Variants in PI4KA observed in about 807,000 individuals in gnomAD.
PI4KA encodes phosphatidylinositol 4-kinase alpha, also known as PI4-kinase alpha.
In PI4KA, 122 loss-of-function variants were observed where a neutral mutation model predicts 271.4. That is an observed-to-expected ratio of 0.45 (90% CI 0.39 to 0.52). The LOEUF is 0.52. PI4KA is among the 20% of genes least tolerant of loss of function. The pLI is 0.00. For missense variants in PI4KA, 1,969 were observed against 2,769.1 expected, an observed-to-expected ratio of 0.71 and a Z score of 6.48; for synonymous variants, 1,041 against 1,078.8, an observed-to-expected ratio of 0.96 and a Z score of 0.69.
Position 20,819,757 on chromosome 22 carries a change from C to G in PI4KA, c.673G>C (p.Gly225Arg), listed in dbSNP as rs372904436. ...TCATTAAAGGAACGCCTTCGAACACCTTCAAGCTCTTCCAGGACACGGAGG... is the reference window on the plus strand; with the variant it reads ...TCATTAAAGGAACGCCTTCGAACACGTTCAAGCTCTTCCAGGACACGGAGG... ...HSLRVLEELE[G>R]VRRRSFNDFR... Residue 225 changes from glycine (G) to arginine (R), a missense_variant, in exon 6 of 55, where the codon GGT (glycine) becomes CGT (arginine). This residue lies in a region of PI4KA where 540 missense variants were observed against 555.5 expected (regional missense o/e 0.97). Transcript: ENST00000255882. 3 of 1,614,046 alleles carry G rather than the reference C, an allele frequency of 1.9e-6. No homozygotes were observed. Among genetic ancestry groups the G allele is most frequent in the South Asian group, 1.1e-5 (1 of 91,088 alleles).
chr22:20,708,444 C>T (rs1291004868), intron 54 of PI4KA, among the ~76,000 whole-genome samples: 1 of 150,290 alleles, frequency 6.7e-6, no homozygotes, highest in African/African-American at 2.5e-5. Flanking sequence ...CCTGCCCCAG[C>T]CCCTCTTGAG....
rs1271282093 is a variant in PI4KA, at chr22:20,846,859, G to A, written c.157-8128C>T. 2.0e-4 allele frequency among the ~76,000 whole-genome samples: 28 copies of A among 142,022 alleles called. No individual in the cohort carries two copies. In the East Asian group the frequency reaches 5.6e-3, roughly 28 times the overall value. 93.2% of individuals were successfully genotyped at this position (142,022 alleles called of 152,430 possible). Reference sequence around the variant, plus strand: ...TCAAAAAAAAAAAAAAAAAAAAAAGGGTGGGGGGCCAGGTGCGGTGGCTCA... The same window carrying A: ...TCAAAAAAAAAAAAAAAAAAAAAAGAGTGGGGGGCCAGGTGCGGTGGCTCA... On this transcript the variant is annotated intron_variant, in intron 1 of 54. Coordinates refer to ENST00000255882, the MANE Select transcript of PI4KA (RefSeq NM_058004.4).
At chr22:20,761,236 G>A (rs982988734) in intron 23 of PI4KA, 68 bp downstream of exon 23, 23 of 854,994 alleles carry the variant, frequency 2.7e-5, no homozygotes, top group Non-Finnish European at 4.7e-5. Context: ...CAGAAAAGAG[G>A]AAGTAGTACG....
At chr22:20,723,942 C>A (rs1927044873) in intron 42 of PI4KA, among the ~76,000 whole-genome samples, 1 of 151,768 alleles carries the variant, frequency 6.6e-6, no homozygotes, top group Non-Finnish European at 1.5e-5. Flanking sequence ...GGGTTCATGC[C>A]ATTCTCCTGC....
chr22:20,830,345 C>A (rs562364444), intron 3 of PI4KA, among the ~76,000 whole-genome samples: 2 of 114,264 alleles, frequency 1.8e-5, no homozygotes, highest in African/African-American at 7.5e-5. Context: ...AATTTGCTCC[C>A]GTGTTGGATA....
rs556589604 is a variant in PI4KA, at chr22:20,744,637, G to A, written c.3447C>T (p.Tyr1149=). The part of the protein sequence containing the change: ...FMASLNLRNR[Y]AGEVYGMIRF... ...AGGACAAGAGAAGCACCTCGCCCGC[G>A]TAGCGGTTGCGCAGATTCAGGGATG... Residue 1149 remains tyrosine, a synonymous_variant, in exon 30 of 55, where the codon TAC becomes TAT. Transcript: ENST00000255882. 1.3e-4 allele frequency: 213 copies of A among 1,613,656 alleles called. 3 individuals carry two copies. In the South Asian group the frequency reaches 1.9e-3, roughly 14 times the overall value.
Position 20,803,282 on chromosome 22 carries a change from C to T in PI4KA, c.1500G>A (p.Val500=), listed in dbSNP as rs377655561. ...GRLCERFPVV[V]HSVTPSLRDF... ...CTCGCAAGGACGGTGTCACAGAGTG[C>T]ACCACCACCGGGAACCTCTCGCACA... The change falls in exon 13 of 55, where the codon GTG becomes GTA. Residue 500 remains valine, a synonymous_variant. Transcript: ENST00000255882. 167 of 1,613,950 alleles carry T rather than the reference C, an allele frequency of 1.0e-4. 1 individual carries two copies. The highest frequency in any genetic ancestry group is 1.4e-4 in the Non-Finnish European group (160 of 1,179,952).
intron 48 of PI4KA, 136 bp downstream of exon 48, chr22:20,713,145 C>T (rs1373571431): frequency 1.5e-5 from 11 of 750,208 alleles, no homozygotes; most frequent in Non-Finnish European, 2.1e-5. Flanking sequence ...CCCTAATTTA[C>T]CCCGTGGCAC....
At chr22:20,786,869 A>C in intron 19 of PI4KA, 1 of 1,614,116 alleles carries the variant, frequency 6.2e-7, no homozygotes, top group South Asian at 1.1e-5. Flanking sequence ...TTTCCTTTCC[A>C]AACAGTTCAA....
chr22:20,851,173 AAC>A (rs1926921032), intron 1 of PI4KA, among the ~76,000 whole-genome samples: 1 of 138,986 alleles, frequency 7.2e-6, no homozygotes, highest in Admixed American at 7.3e-5. Flanking sequence ...CAGCTTGGGC[AAC>A]ACAGTGAGAC....
rs1384211987 is a variant in PI4KA, at chr22:20,838,661, T to C, written c.227A>G (p.Asp76Gly). The C allele has an allele frequency of 9.3e-6, 15 of 1,613,082 alleles. No homozygotes were observed. Among genetic ancestry groups the C allele is most frequent in the Non-Finnish European group, 1.3e-5 (15 of 1,179,054 alleles). ...GIFQLDERRR[D>G]AVIALGIFLI... ...AAAAATGCCCAATGCAATCACTGCA[T>C]CTCTCCGTCTTTCATCTAACTGGAA... is the stretch of plus-strand genomic sequence containing the variant. Residue 76 changes from aspartate to glycine, a missense_variant, in exon 2 of 55, where the codon GAT (aspartate) becomes GGT (glycine). Physicochemically the swap from Asp to Gly is moderately conservative, Grantham distance 94. Transcript: ENST00000255882.
At position 20,810,949 on chromosome 22, in the gene PI4KA, C is replaced by T. The variant is rs371227185; in HGVS notation, c.1071+18G>A. The T allele has an allele frequency of 6.3e-7, 1 of 1,589,226 alleles. No individual in the cohort carries two copies. On this transcript the variant is annotated intron_variant, in intron 9 of 54. Transcript: ENST00000255882. ...AAGTCAGGCTGATCTCATGGTAATG[C>T]CCTCAGAAGCGACATACCTCCATCA... is the stretch of plus-strand genomic sequence containing the variant.
At chr22:20,763,978 C>T (rs1932261892) in intron 22 of PI4KA, among the ~76,000 whole-genome samples, 1 of 152,188 alleles carries the variant, frequency 6.6e-6, no homozygotes, top group Non-Finnish European at 1.5e-5. Flanking sequence ...TTGGTGGCAA[C>T]AATGAAAGGC....
chr22:20,765,683 C>G lies in PI4KA; in HGVS notation c.2339G>C (p.Arg780Pro). The G allele has an allele frequency of 6.2e-7, 1 of 1,609,534 alleles. No homozygotes were observed. The highest frequency in any genetic ancestry group is 1.1e-5 in the South Asian group (1 of 90,918). ...CTTAGCTTCTTTGATGGGTGGCAGT[C>G]GTCGGGTGAGCTGATGTGCCAAGAA... ...LIPVIAVLTR[R>P]LPPIKEAKPR... Residue 780 changes from arginine (R) to proline (P), a missense_variant, in exon 20 of 55, where the codon CGA becomes CCA. Physicochemically the swap from Arg to Pro is moderately radical, Grantham distance 103 (BLOSUM62 -2). Coordinates refer to ENST00000255882, the MANE Select transcript of PI4KA (RefSeq NM_058004.4).
At chr22:20,721,744 TG>T (rs1323492527) in intron 42 of PI4KA, 35 of 270,232 alleles carry the variant, frequency 1.3e-4, no homozygotes, top group Non-Finnish European at 3.6e-5. Context: ...AAAAGCAGGC[TG>T]GGTACTAAAA....
chr22:20,727,621 G>T (rs1568959793), intron 40 of PI4KA, 153 bp downstream of exon 40: 3 of 698,848 alleles, frequency 4.3e-6, no homozygotes, highest in Non-Finnish European at 7.2e-6. Context: ...CTACAGACAA[G>T]AAATAGAAAA....
chr22:20,750,077 G>C, intron 27 of PI4KA, 83 bp from the exon 28 acceptor site: 2 of 876,478 alleles, frequency 2.3e-6, no homozygotes, highest in South Asian at 2.7e-5. Flanking sequence ...GCTGAACTAT[G>C]TCTCCCCAAA....
intron 36 of PI4KA, among the ~76,000 whole-genome samples, chr22:20,732,294 C>T (rs1324177219): frequency 2.6e-5 from 4 of 152,146 alleles, no homozygotes; most frequent in Non-Finnish European, 4.4e-5. Flanking sequence ...GCAGGAGAAT[C>T]GCCTGAACCC....
At position 20,812,012 on chromosome 22, in the gene PI4KA, C is replaced by CAAA. The variant is rs361795; in HGVS notation, c.1006-983_1006-981dup. On this transcript the variant is annotated intron_variant, in intron 8 of 54. Coordinates refer to ENST00000255882, the MANE Select transcript of PI4KA (RefSeq NM_058004.4). ...TGGGCGACAGGGCGAGACTCCATCT[C>CAAA]AAAAAAAAAAAAAAAAAAAAGAAAA... Among the ~76,000 whole-genome samples the CAAA allele has an allele frequency of 1.3e-4, 10 of 77,436 alleles. No homozygotes were observed. In the South Asian group the frequency reaches 1.4e-3, roughly 11 times the overall value. The allele number at this position is 77,436 out of a possible 152,430, so 50.8% of individuals were successfully genotyped here.
Sources: gnomAD v4.1 joint callset for allele counts (sites outside exome capture counted in the v4.1 genomes callset) on GRCh38, gnomAD v4.1.1 for gene constraint, gnomAD v4.1.1 regional missense constraint, MANE v1.5 for transcripts, NCBI Gene and HGNC (gene_info 2026-07-23, HGNC 2026-07-21) for gene names.